FBLN5: variants seen among roughly 807,000 people sequenced by gnomAD.
FBLN5 encodes the protein fibulin 5, also known as fibulin-5.
Under a neutral mutation model 61.6 loss-of-function variants are expected in FBLN5, and 24 were observed. The ratio of observed to expected loss-of-function variants is 0.39; its 90% confidence interval spans 0.28 to 0.55. The LOEUF (loss-of-function observed/expected upper bound fraction) is 0.55. Among genes scored for constraint, FBLN5 ranks in the 20% least tolerant of loss-of-function variants. The pLI is 0.65. For missense variants in FBLN5, 470 were observed against 594.1 expected (o/e 0.79, Z 2.17); for synonymous variants, 213 against 219.8 (o/e 0.97, Z 0.27).
intron 4 of FBLN5, among the ~76,000 whole-genome samples, chr14:91,898,841 G>A (rs375194008): frequency 4.2e-5 from 5 of 119,584 alleles, no homozygotes; most frequent in South Asian, 5.5e-4. Context: ...TCGCTCTGTC[G>A]CCCAGGCTGG....
Position 91,887,302 on chromosome 14 carries a change from C to T in FBLN5, c.630G>A (p.Glu210=), listed in dbSNP as rs765456135. 3.7e-6 allele frequency: 6 copies of T among 1,612,730 alleles called. No homozygotes were observed. In the South Asian group the frequency reaches 6.6e-5, roughly 18 times the overall value. The change falls in exon 7 of 11, where the codon GAG becomes GAA. Residue 210 remains glutamate (E), a synonymous_variant. Coordinates refer to ENST00000342058, the MANE Select transcript of FBLN5 (RefSeq NM_006329.4). ...EDGRSCQDVN[E]CATENPCVQT... is the part of the protein sequence containing the mutation. Reference sequence around the variant, plus strand: ...GCACGCAGGGGTTCTCGGTGGCACACTCGTTCACATCTGTGGAAAGCCAAG... The same window carrying T: ...GCACGCAGGGGTTCTCGGTGGCACATTCGTTCACATCTGTGGAAAGCCAAG...
At chr14:91,924,072 C>G (rs764638652) in intron 4 of FBLN5, among the ~76,000 whole-genome samples, 1 of 152,196 alleles carries the variant, frequency 6.6e-6, no homozygotes, top group African/African-American at 2.4e-5. Context: ...ATAAATTATG[C>G]CTAGTGTTCC....
intron 5 of FBLN5, among the ~76,000 whole-genome samples, chr14:91,891,560 C>T (rs1172152192): frequency 6.6e-6 from 1 of 152,134 alleles, no homozygotes; most frequent in Non-Finnish European, 1.5e-5. Flanking sequence ...CATCTCAGTC[C>T]CATAAATACC....
intron 4 of FBLN5, among the ~76,000 whole-genome samples, chr14:91,922,351 T>G (rs1241741882): frequency 6.8e-6 from 1 of 146,792 alleles, no homozygotes. Flanking sequence ...AATAAATAAA[T>G]AAATAAAATG....
In FBLN5 at chr14:91,883,072, C is replaced by T; in HGVS notation, c.744G>A (p.Met248Ile). The T allele has an allele frequency of 6.2e-7, 1 of 1,613,878 alleles. No homozygotes were observed. Among genetic ancestry groups the T allele is most frequent in the Non-Finnish European group, 8.5e-7 (1 of 1,179,834 alleles). The stretch of plus-strand genomic sequence containing the variant: ...GGAACTCAGAGAAGCTGCACTCGTC[C>T]ATATCTGGGGTGACAAGTCACACCT... Reference protein sequence around the residue: ...LEEDGVHCSDMDECSFSEFLC... With the variant: ...LEEDGVHCSDIDECSFSEFLC... Residue 248 changes from methionine (M) to isoleucine (I), a missense_variant, in exon 8 of 11, where the codon ATG becomes ATA. Coordinates refer to ENST00000342058, the MANE Select transcript of FBLN5 (RefSeq NM_006329.4).
intron 3 of FBLN5, among the ~76,000 whole-genome samples, chr14:91,938,039 T>C (rs1261482925): frequency 6.6e-6 from 1 of 152,222 alleles, no homozygotes; most frequent in African/African-American, 2.4e-5. Flanking sequence ...TACCATCTAA[T>C]ACATCAAGGA....
Position 91,894,980 on chromosome 14 carries a change from C to T in FBLN5, c.472G>A (p.Gly158Arg). Residue 158 changes from glycine to arginine, a missense_variant, in exon 5 of 11, where the codon GGA becomes AGA. Coordinates refer to ENST00000342058, the MANE Select transcript of FBLN5 (RefSeq NM_006329.4). The stretch of plus-strand genomic sequence containing the variant: ...CACTGGCCTTCCAGAAGCCAATATC[C>T]GTCGGTGCAGGAGCAGGTGTACCCG... ...EGGYTCSCTD[G>R]YWLLEGQCLD... 1.9e-6 allele frequency: 3 copies of T among 1,614,112 alleles called. No homozygotes were observed. Among genetic ancestry groups the T allele is most frequent in the South Asian group, 1.1e-5 (1 of 91,072 alleles).
rs147592379 is a variant in FBLN5 at position 91,933,840 on chromosome 14, C to T, written c.379+3107G>A. On this transcript the variant is annotated intron_variant, in intron 4 of 10. Coordinates refer to ENST00000342058, the MANE Select transcript of FBLN5 (RefSeq NM_006329.4). Reference sequence around the variant, plus strand: ...AAAAAAGAGAGATAGCTGGGTGCCACGGCTCACACCTATAATCCCAGCATT... The same window carrying T: ...AAAAAAGAGAGATAGCTGGGTGCCATGGCTCACACCTATAATCCCAGCATT... Among the ~76,000 whole-genome samples, 421 of 152,146 alleles carry T rather than the reference C, an allele frequency of 2.8e-3. 2 individuals are homozygous for T. Among genetic ancestry groups the T allele is most frequent in the African/African-American group, 3.3e-3 (139 of 41,502 alleles).
At position 91,894,957 on chromosome 14, in the gene FBLN5, C is replaced by T; in HGVS notation, c.495G>A (p.Gln165=). The T allele has an allele frequency of 6.2e-7, 1 of 1,614,026 alleles. No individual in the cohort carries two copies. Among genetic ancestry groups the T allele is most frequent in the Non-Finnish European group, 8.5e-7 (1 of 1,179,934 alleles). The change falls in exon 5 of 11, where the codon CAG becomes CAA. Residue 165 remains glutamine (Q), a synonymous_variant. Coordinates refer to ENST00000342058, the MANE Select transcript of FBLN5 (RefSeq NM_006329.4). The part of the protein sequence containing the change: ...CTDGYWLLEG[Q]CLDIDECRYG... Reference sequence around the variant, plus strand: ...CCCCCAGAGAGCTGTTACCTAAGCACTGGCCTTCCAGAAGCCAATATCCGT... The same window carrying T: ...CCCCCAGAGAGCTGTTACCTAAGCATTGGCCTTCCAGAAGCCAATATCCGT...
At chr14:91,944,232 C>G (rs189363878) in intron 1 of FBLN5, among the ~76,000 whole-genome samples, 7 of 152,108 alleles carry the variant, frequency 4.6e-5, no homozygotes, top group Admixed American at 4.6e-4. Flanking sequence ...GACTCTGTCT[C>G]AAAAAATAAA....
chr14:91,893,271 T>G (rs980354163), intron 5 of FBLN5, among the ~76,000 whole-genome samples: 5 of 152,252 alleles, frequency 3.3e-5, no homozygotes, highest in African/African-American at 1.2e-4. Context: ...TAAGTTCCTG[T>G]ACAAATAACT....
chr14:91,928,568 TA>T (rs1192627953), intron 4 of FBLN5, among the ~76,000 whole-genome samples: 1 of 150,164 alleles, frequency 6.7e-6, no homozygotes, highest in South Asian at 2.1e-4. Flanking sequence ...GCCCAGGAGT[TA>T]GAGACTAGCC....
rs551629547 is a variant in FBLN5, at chr14:91,877,787, G to A, written c.990-105C>T. The A allele has an allele frequency of 8.5e-5, 71 of 839,726 alleles. No homozygotes were observed. The Admixed American group carries it at 1.3e-3, about 16-fold the overall frequency. The allele number at this position is 839,726 out of a possible 1,614,324, so 52.0% of individuals were successfully genotyped here. A position where few individuals can be genotyped will look rare whatever the true frequency, so the allele number is the denominator to read the frequency against. On this transcript the variant is annotated intron_variant, in intron 9 of 10. Transcript: ENST00000342058. ...TGAAAATGAGGCCACCCCATTTTTAGCATCCAAATGCCATAACTGTAGAAT... is the reference window on the plus strand; with the variant it reads ...TGAAAATGAGGCCACCCCATTTTTAACATCCAAATGCCATAACTGTAGAAT...
chr14:91,902,822 A>G (rs111556794), intron 4 of FBLN5, among the ~76,000 whole-genome samples: 2 of 152,178 alleles, frequency 1.3e-5, no homozygotes, highest in African/African-American at 4.8e-5. Context: ...TGCAATATTT[A>G]AGAGAGTCTA....
At chr14:91,880,695 G>T (rs542149767) in intron 9 of FBLN5, among the ~76,000 whole-genome samples, 1 of 152,098 alleles carries the variant, frequency 6.6e-6, no homozygotes, top group East Asian at 1.9e-4. Context: ...CTACAGGCCC[G>T]TGCCACCAGG....
At chr14:91,883,824 G>A (rs556246525) in intron 7 of FBLN5, among the ~76,000 whole-genome samples, 43 of 152,208 alleles carry the variant, frequency 2.8e-4, no homozygotes, top group Non-Finnish European at 5.9e-4. Flanking sequence ...CCAGCCTGAC[G>A]TGGAGGGGAG....
chr14:91,871,891 G>C (rs1472782690), intron 10 of FBLN5, among the ~76,000 whole-genome samples: 2 of 151,664 alleles, frequency 1.3e-5, no homozygotes, highest in African/African-American at 4.8e-5. Flanking sequence ...ACCCTGAAAG[G>C]CCTTGCCACT....
intron 5 of FBLN5, among the ~76,000 whole-genome samples, chr14:91,894,689 T>G (rs923878005): frequency 6.6e-6 from 1 of 152,182 alleles, no homozygotes; most frequent in South Asian, 2.1e-4. Flanking sequence ...GCCATTGCAC[T>G]CCAGCCTGGG....
intron 4 of FBLN5, among the ~76,000 whole-genome samples, chr14:91,922,896 G>T (rs1292681839): frequency 1.3e-5 from 2 of 152,172 alleles, no homozygotes; most frequent in Non-Finnish European, 2.9e-5. Flanking sequence ...TCGGCAGAGG[G>T]CTCATCCCTG....
Sources: gnomAD v4.1 joint callset for allele counts (sites outside exome capture counted in the v4.1 genomes callset) on GRCh38, gnomAD v4.1.1 for gene constraint, MANE v1.5 for transcripts, NCBI Gene and HGNC (gene_info 2026-07-23, HGNC 2026-07-21) for gene names.